Variants in ZNF362 observed in about 807,000 individuals in gnomAD.
The protein encoded by ZNF362 is rotund homolog.
In ZNF362, 11 loss-of-function variants were observed where a neutral mutation model predicts 42.9. The observed-to-expected ratio is 0.26, with a 90% CI of 0.16 to 0.42. ZNF362 has a LOEUF of 0.42. Among genes scored for constraint, ZNF362 ranks in the 20% least tolerant of loss-of-function variants. The pLI, the probability that ZNF362 is intolerant of heterozygous loss-of-function variation, is 1.00. For missense variants in ZNF362, 362 were observed against 576.2 expected, an observed-to-expected ratio of 0.63 and a Z score of 3.81; for synonymous variants, 255 against 257.3, an observed-to-expected ratio of 0.99 and a Z score of 0.09.
chr1:33,253,414 G>A (rs1395862425), upstream of ZNF362, among the ~76,000 whole-genome samples: 1 of 151,288 alleles, frequency 6.6e-6, no homozygotes, highest in Non-Finnish European at 1.5e-5. Context: ...ATTGAAGGTG[G>A]TCAGAAAAGG....
At chr1:33,254,457 C>A (rs1023165743), upstream of ZNF362, among the ~76,000 whole-genome samples, 2 of 152,152 alleles carry the variant, frequency 1.3e-5, no homozygotes, top group African/African-American at 4.8e-5. Context: ...GATGGTTTCT[C>A]GGACTTTCCT....
the ZNF362 span, among the ~76,000 whole-genome samples, chr1:33,221,169 G>A: frequency 6.6e-6 from 1 of 152,166 alleles, no homozygotes. Context: ...GATTGGCAGT[G>A]GGTGGTGGGT....
the ZNF362 span, among the ~76,000 whole-genome samples, chr1:33,245,747 A>G: frequency 6.6e-6 from 1 of 152,168 alleles, no homozygotes; most frequent in Non-Finnish European, 1.5e-5. Flanking sequence ...AGACCACCCT[A>G]GGCAACATAG....
At chr1:33,239,506 GA>G in the ZNF362 span, among the ~76,000 whole-genome samples, 1 of 152,220 alleles carries the variant, frequency 6.6e-6, no homozygotes, top group Non-Finnish European at 1.5e-5. Context: ...ATAAAAGACA[GA>G]AGTTTAATTG....
At chr1:33,228,995 C>A in the ZNF362 span, among the ~76,000 whole-genome samples, 1 of 152,154 alleles carries the variant, frequency 6.6e-6, no homozygotes, top group Non-Finnish European at 1.5e-5. Context: ...TGCTGCAAAG[C>A]CTTTGTGATT....
the ZNF362 span, chr1:33,158,154 C>T: frequency 2.8e-6 from 3 of 1,089,884 alleles, no homozygotes; most frequent in African/African-American, 3.1e-5. Context: ...GCACTCTGCT[C>T]ATTCACCCCA....
At chr1:33,286,618 G>C (rs1168580300) in intron 6 of ZNF362, among the ~76,000 whole-genome samples, 1 of 152,068 alleles carries the variant, frequency 6.6e-6, no homozygotes, top group African/African-American at 2.4e-5. Context: ...CTAGACGCTT[G>C]CACATATAAT....
intron 2 of ZNF362, chr1:33,275,111 A>G (rs1345089226): frequency 2.0e-6 from 2 of 985,326 alleles, no homozygotes; most frequent in Admixed American, 6.1e-5. Context: ...TAGGCAAGTG[A>G]TTTCTGTAAG....
the ZNF362 span, among the ~76,000 whole-genome samples, chr1:33,187,951 G>A: frequency 2.6e-5 from 4 of 152,124 alleles, no homozygotes; most frequent in South Asian, 6.2e-4. Context: ...TACATGTAAG[G>A]GAGGCAGGGT....
the ZNF362 span, among the ~76,000 whole-genome samples, chr1:33,162,614 C>T: frequency 1.3e-5 from 2 of 152,130 alleles, no homozygotes; most frequent in African/African-American, 2.4e-5. Context: ...GAGATTGCTC[C>T]GTAGAGCTGG....
intron 4 of ZNF362, among the ~76,000 whole-genome samples, chr1:33,279,521 A>T (rs1645975322): frequency 6.6e-6 from 1 of 151,040 alleles, no homozygotes; most frequent in East Asian, 1.9e-4. Flanking sequence ...AATAGGTACC[A>T]TTTTCATGAT....
At chr1:33,136,457 C>T in the ZNF362 span, among the ~76,000 whole-genome samples, 1 of 151,814 alleles carries the variant, frequency 6.6e-6, no homozygotes, top group Non-Finnish European at 1.5e-5. Flanking sequence ...CAATCTCTGC[C>T]TCCCAGGCTC....
the ZNF362 span, among the ~76,000 whole-genome samples, chr1:33,216,943 G>A: frequency 2.0e-5 from 3 of 151,794 alleles, no homozygotes; most frequent in African/African-American, 4.8e-5. Context: ...GAGGCGACGC[G>A]TGGGAGTAGA....
At chr1:33,181,204 A>G in the ZNF362 span, 1 of 1,584,704 alleles carries the variant, frequency 6.3e-7, no homozygotes, top group Non-Finnish European at 8.5e-7. This position sits in a 1 kb window ranked among gnomAD's most constrained non-coding sequence, Gnocchi z 6.5. Context: ...AGCGGGAAGG[A>G]GCTGTAGCGC....
In ZNF362 at chr1:33,286,135, T is replaced by A. The variant is rs187503203; in HGVS notation, c.908+4324T>A. Among the ~76,000 whole-genome samples, 1,328 of 152,274 alleles carry A rather than the reference T, an allele frequency of 8.7e-3. 19 individuals carry two copies. The highest frequency in any genetic ancestry group is 0.031 in the African/African-American group (1,268 of 41,538). The stretch of plus-strand genomic sequence containing the variant: ...CAATCATTGTAAGCATCCCTCCTTT[T>A]GTAAAACAAGGGAGCAAATCTTTGG... On this transcript the variant is annotated intron_variant, in intron 6 of 8. Transcript: ENST00000539719.
At chr1:33,201,321 C>A in the ZNF362 span, among the ~76,000 whole-genome samples, 2 of 152,158 alleles carry the variant, frequency 1.3e-5, no homozygotes. Flanking sequence ...ACACTTCATC[C>A]AACATCAGCA....
chr1:33,265,912 C>G (rs888816309), intron 1 of ZNF362, among the ~76,000 whole-genome samples: 1 of 152,218 alleles, frequency 6.6e-6, no homozygotes, highest in African/African-American at 2.4e-5. Context: ...GCACTATACC[C>G]CTGACCCACG....
At chr1:33,138,556 G>A in the ZNF362 span, among the ~76,000 whole-genome samples, 3 of 150,536 alleles carry the variant, frequency 2.0e-5, no homozygotes, top group Non-Finnish European at 4.4e-5. Flanking sequence ...GGAGGCTGAG[G>A]CACTGTGATC....
chr1:33,147,185 G>A, the ZNF362 span: 32 of 1,613,414 alleles, frequency 2.0e-5, no homozygotes, highest in African/African-American at 6.7e-5. This position sits in a 1 kb window ranked among gnomAD's most constrained non-coding sequence, Gnocchi z 8.1. Context: ...GACTAGATGC[G>A]GACGGTGTTG....
Sources: gnomAD v4.1 joint callset for allele counts (sites outside exome capture counted in the v4.1 genomes callset) on GRCh38, gnomAD v4.1.1 for gene constraint, Gnocchi (gnomAD v3.1) non-coding constraint, MANE v1.5 for transcripts, NCBI Gene and HGNC (gene_info 2026-07-23, HGNC 2026-07-21) for gene names.